The following SCN3A variants were observed in gnomAD, a reference collection of about 807,000 sequenced individuals.
The protein encoded by SCN3A is sodium voltage-gated channel alpha subunit 3, also known as sodium channel protein type 3 subunit alpha.
In SCN3A, 60 loss-of-function variants were observed where a neutral mutation model predicts 187.6. The observed-to-expected ratio is 0.32, with a 90% CI of 0.26 to 0.40. The LOEUF (loss-of-function observed/expected upper bound fraction) is 0.40. SCN3A is among the 10% of genes least tolerant of loss of function. The pLI is 1.00. For missense variants in SCN3A, 1,601 were observed against 2,428.2 expected, an observed-to-expected ratio of 0.66 and a Z score of 7.16; for synonymous variants, 788 against 829.2, an observed-to-expected ratio of 0.95 and a Z score of 0.85.
intron 18 of SCN3A, among the ~76,000 whole-genome samples, chr2:165,121,168 A>T (rs2105737809): frequency 6.6e-6 from 1 of 152,240 alleles, no homozygotes; most frequent in Middle Eastern, 3.4e-3. Flanking sequence ...TCCTCTCAAA[A>T]ATTATCTCAC....
chr2:165,094,544 G>T (rs1685270860), intron 25 of SCN3A, 66 bp from the exon 26 acceptor site: 1 of 1,044,972 alleles, frequency 9.6e-7, no homozygotes, highest in Non-Finnish European at 1.5e-6. Flanking sequence ...AAAAATATTT[G>T]TCTTTCCTTT....
chr2:165,130,838 A>T (rs1687272270), intron 16 of SCN3A, among the ~76,000 whole-genome samples: 1 of 152,166 alleles, frequency 6.6e-6, no homozygotes, highest in Admixed American at 6.5e-5. Flanking sequence ...ATTATTTAAG[A>T]TACTAATAAC....
intron 1 of SCN3A, among the ~76,000 whole-genome samples, chr2:165,200,396 A>G (rs1055707480): frequency 6.6e-6 from 1 of 152,084 alleles, no homozygotes; most frequent in African/African-American, 2.4e-5. Flanking sequence ...ACAGCTACCT[A>G]TGTAAAGAAA....
chr2:165,179,028 A>C (rs953219877), intron 2 of SCN3A, among the ~76,000 whole-genome samples: 1 of 152,180 alleles, frequency 6.6e-6, no homozygotes, highest in Admixed American at 6.6e-5. Flanking sequence ...ATCACCTGCC[A>C]TGAACTGAAT....
intron 18 of SCN3A, among the ~76,000 whole-genome samples, chr2:165,117,020 C>T (rs970423558): frequency 3.2e-4 from 47 of 148,228 alleles, no homozygotes; most frequent in East Asian, 1.6e-3. Flanking sequence ...ACATCTTCTC[C>T]TCTCCTAGGA....
chr2:165,160,263 T>C (rs1689277900), intron 9 of SCN3A, among the ~76,000 whole-genome samples: 1 of 152,180 alleles, frequency 6.6e-6, no homozygotes. Flanking sequence ...GATTCTACAT[T>C]ATGGTGACTT....
At chr2:165,146,047 A>G (rs909572868) in intron 12 of SCN3A, among the ~76,000 whole-genome samples, 1 of 152,152 alleles carries the variant, frequency 6.6e-6, no homozygotes, top group East Asian at 1.9e-4. Context: ...GGTAGTTGGC[A>G]TTAAATCAGA....
At chr2:165,094,180 C>T (rs1416447658) in intron 26 of SCN3A, 194 bp downstream of exon 26, 3 of 627,552 alleles carry the variant, frequency 4.8e-6, no homozygotes, top group African/African-American at 3.7e-5. Flanking sequence ...TTATAAAGAA[C>T]ATTACCTCCT....
At position 165,155,989 on chromosome 2, in the gene SCN3A, A is replaced by T. The variant is rs935335393; in HGVS notation, c.1032-86T>A. 2.0e-6 allele frequency: 3 copies of T among 1,512,542 alleles called. No homozygotes were observed. The African/African-American group carries it at 4.1e-5, about 21-fold the overall frequency. 93.7% of individuals were successfully genotyped at this position (1,512,542 alleles called of 1,614,324 possible). ...TGACTTATAGGAATTTTCAAAACCCAAAGCTGCTATCTGTGACGAATTATC... is the reference window on the plus strand; with the variant it reads ...TGACTTATAGGAATTTTCAAAACCCTAAGCTGCTATCTGTGACGAATTATC... On this transcript the variant is annotated intron_variant, in intron 9 of 27. Transcript: ENST00000283254.
chr2:165,137,129 C>G (rs866138148), intron 15 of SCN3A, among the ~76,000 whole-genome samples: 4 of 152,254 alleles, frequency 2.6e-5, no homozygotes, highest in Middle Eastern at 6.8e-3. Context: ...ATGCAGTGAA[C>G]TTGTGGGCCA....
At chr2:165,146,610 C>T in intron 12 of SCN3A, 129 bp downstream of exon 12, 1 of 887,814 alleles carries the variant, frequency 1.1e-6, no homozygotes, top group East Asian at 2.6e-5. Context: ...ATTTAAACAA[C>T]TATATTAAAT....
rs1184503670 is a variant in SCN3A at position 165,153,987 on chromosome 2, A to T, written c.1380+465T>A. On this transcript the variant is annotated intron_variant, in intron 11 of 27. Transcript: ENST00000283254. ...TATCCTGATGTGGGCTATAGCAAAC[A>T]TTTTTTTTTTTTTTTTTTTTTGCTA... Among the ~76,000 whole-genome samples, 280 of 92,716 alleles carry T rather than the reference A, an allele frequency of 3.0e-3. 1 individual carries two copies. Among genetic ancestry groups the T allele is most frequent in the African/African-American group, 4.7e-3 (99 of 21,266 alleles). The allele number at this position is 92,716 out of a possible 152,430, so 60.8% of individuals were successfully genotyped here. A position where few individuals can be genotyped will look rare whatever the true frequency, so the allele number is the denominator to read the frequency against.
At chr2:165,161,472 GA>G (rs1444739176) in intron 9 of SCN3A, among the ~76,000 whole-genome samples, 2 of 151,586 alleles carry the variant, frequency 1.3e-5, no homozygotes, top group African/African-American at 2.4e-5. Flanking sequence ...AAACTGTCAG[GA>G]AAAAAAATTC....
At chr2:165,175,025 G>A (rs1363602722) in intron 3 of SCN3A, among the ~76,000 whole-genome samples, 1 of 152,158 alleles carries the variant, frequency 6.6e-6, no homozygotes, top group East Asian at 1.9e-4. Flanking sequence ...AAAACATCTT[G>A]AGGTAATCTG....
chr2:165,159,956 C>T (rs1282121291), intron 9 of SCN3A, among the ~76,000 whole-genome samples: 3 of 126,362 alleles, frequency 2.4e-5, no homozygotes, highest in African/African-American at 3.4e-5. Context: ...ATGGTGAAAC[C>T]TGGTATCTAT....
intron 5 of SCN3A, among the ~76,000 whole-genome samples, chr2:165,164,965 A>C (rs966672266): frequency 6.6e-6 from 1 of 152,152 alleles, no homozygotes; most frequent in Non-Finnish European, 1.5e-5. Flanking sequence ...TCAACAATTA[A>C]TATTAGCCAA....
intron 1 of SCN3A, among the ~76,000 whole-genome samples, chr2:165,189,146 C>T (rs1691436939): frequency 6.6e-6 from 1 of 152,084 alleles, no homozygotes; most frequent in South Asian, 2.1e-4. Context: ...AACACATTTC[C>T]TAAAAGTTGT....
At chr2:165,147,288 G>C (rs547576342) in intron 11 of SCN3A, among the ~76,000 whole-genome samples, 4 of 138,934 alleles carry the variant, frequency 2.9e-5, no homozygotes, top group East Asian at 2.2e-4. Flanking sequence ...TTTTTTGGGG[G>C]GGGGGGGTTG....
Position 165,146,736 on chromosome 2 carries a change from T to C in SCN3A, c.1671+3A>G. On this transcript the variant is annotated splice_donor_region_variant and intron_variant, in intron 12 of 27. Coordinates refer to ENST00000283254, the MANE Select transcript of SCN3A (RefSeq NM_006922.4). The stretch of plus-strand genomic sequence containing the variant: ...AACCAGAGCACTTAGTAGAAAATCA[T>C]ACCTGATGAGGGGAGCAGAATTTTT... 6.2e-7 allele frequency: 1 copy of C among 1,613,926 alleles called. No individual in the cohort carries two copies. Among genetic ancestry groups the C allele is most frequent in the Non-Finnish European group, 8.5e-7 (1 of 1,179,874 alleles).
Sources: gnomAD v4.1 joint callset for allele counts (sites outside exome capture counted in the v4.1 genomes callset) on GRCh38, gnomAD v4.1.1 for gene constraint, MANE v1.5 for transcripts, NCBI Gene and HGNC (gene_info 2026-07-23, HGNC 2026-07-21) for gene names.